The following GABRB2 variants were observed in gnomAD, a reference collection of about 807,000 sequenced individuals.
The protein encoded by GABRB2 is gamma-aminobutyric acid receptor subunit beta-2.
GABRB2 carries 16 observed loss-of-function variants against 54.7 expected under a neutral mutation model. The observed-to-expected ratio is 0.29, with a 90% CI of 0.20 to 0.44. GABRB2 has a LOEUF of 0.44. Ranked by LOEUF, GABRB2 falls within the 20% of genes least tolerant of loss-of-function variation. GABRB2 has a pLI of 1.00. For missense variants in GABRB2, 355 were observed against 644.0 expected (o/e 0.55, Z 4.86); for synonymous variants, 244 against 233.8 (o/e 1.04, Z -0.40).
rs189712216 is a variant in GABRB2, at chr5:161,308,996, A to G, written c.1192-14568T>C. 1.6e-4 allele frequency among the ~76,000 whole-genome samples: 24 copies of G among 152,358 alleles called. No individual in the cohort carries two copies. The East Asian group carries it at 3.5e-3, about 22-fold the overall frequency. On this transcript the variant is annotated intron_variant, in intron 9 of 9. Coordinates refer to ENST00000393959, the MANE Select transcript of GABRB2 (RefSeq NM_001371727.1). Reference sequence around the variant, plus strand: ...ACACCAAAAGCAGTAACAACAACAGAAAGATTGACAAATGAGGTGTGATTA... The same window carrying G: ...ACACCAAAAGCAGTAACAACAACAGGAAGATTGACAAATGAGGTGTGATTA...
intron 3 of GABRB2, among the ~76,000 whole-genome samples, chr5:161,525,837 G>T (rs1404698411): frequency 6.6e-6 from 1 of 151,180 alleles, no homozygotes; most frequent in Non-Finnish European, 1.5e-5. Context: ...ACCTGGGGGT[G>T]ATAAGTTCTT....
intron 3 of GABRB2, among the ~76,000 whole-genome samples, chr5:161,490,947 A>T (rs10069900): frequency 6.6e-6 from 1 of 151,424 alleles, no homozygotes; most frequent in Non-Finnish European, 1.5e-5. Context: ...TCTAGTATCC[A>T]ATTACTGTTC....
chr5:161,546,265 A>G, intron 2 of GABRB2, 57 bp downstream of exon 2: 3 of 1,414,472 alleles, frequency 2.1e-6, no homozygotes, highest in East Asian at 4.6e-5. Context: ...AGCGCGCACA[A>G]AGCTCAAAAG....
intron 3 of GABRB2, among the ~76,000 whole-genome samples, chr5:161,519,605 T>G (rs967518731): frequency 1.1e-4 from 17 of 152,168 alleles, no homozygotes; most frequent in Non-Finnish European, 2.4e-4. Flanking sequence ...GTAAATCTCA[T>G]CAAAAATTGA....
intron 5 of GABRB2, among the ~76,000 whole-genome samples, chr5:161,366,207 A>G (rs1288883999): frequency 2.0e-5 from 3 of 152,082 alleles, no homozygotes; most frequent in East Asian, 3.9e-4. Flanking sequence ...ACAGTCATAG[A>G]ATGGGAACCT....
At chr5:161,477,169 A>G (rs1561664307) in intron 3 of GABRB2, among the ~76,000 whole-genome samples, 2 of 151,788 alleles carry the variant, frequency 1.3e-5, no homozygotes, top group African/African-American at 2.4e-5. Flanking sequence ...ACCAACAAGC[A>G]TATGTATATA....
intron 3 of GABRB2, among the ~76,000 whole-genome samples, chr5:161,512,227 A>AT (rs1055867010): frequency 6.6e-6 from 1 of 151,816 alleles, no homozygotes; most frequent in African/African-American, 2.4e-5. Context: ...TCACAAAATT[A>AT]TTTTTTTTAA....
chr5:161,508,104 A>G (rs965442373), intron 3 of GABRB2, among the ~76,000 whole-genome samples: 2 of 151,896 alleles, frequency 1.3e-5, no homozygotes, highest in Non-Finnish European at 1.5e-5. Flanking sequence ...TATTTATTAA[A>G]TAAAAATATT....
intron 3 of GABRB2, among the ~76,000 whole-genome samples, chr5:161,512,108 C>A (rs576479192): frequency 6.6e-6 from 1 of 152,016 alleles, no homozygotes; most frequent in African/African-American, 2.4e-5. Flanking sequence ...TTAAAAGTGA[C>A]TATTCCATGC....
At chr5:161,418,335 T>TATAGGTA (rs1384356557) in intron 4 of GABRB2, among the ~76,000 whole-genome samples, 2 of 152,372 alleles carry the variant, frequency 1.3e-5, no homozygotes, top group East Asian at 3.9e-4. Context: ...CGGTCTCATC[T>TATAGGTA]ATAGGTACTT....
At chr5:161,542,241 G>A (rs1211466275) in intron 3 of GABRB2, among the ~76,000 whole-genome samples, 4 of 152,072 alleles carry the variant, frequency 2.6e-5, no homozygotes. Context: ...GAAACAATTT[G>A]AAATATTGTG....
intron 3 of GABRB2, among the ~76,000 whole-genome samples, chr5:161,486,057 C>T (rs1211874077): frequency 2.0e-5 from 3 of 151,918 alleles, no homozygotes; most frequent in Admixed American, 6.6e-5. Context: ...TGGGACAATA[C>T]GTTCCCTCTT....
chr5:161,468,690 A>G (rs1231215048), intron 3 of GABRB2, among the ~76,000 whole-genome samples: 1 of 152,022 alleles, frequency 6.6e-6, no homozygotes, highest in African/African-American at 2.4e-5. Context: ...TTCTTAGCTT[A>G]TTCACTGATG....
At chr5:161,356,407 G>A (rs1754629269) in intron 5 of GABRB2, among the ~76,000 whole-genome samples, 1 of 152,090 alleles carries the variant, frequency 6.6e-6, no homozygotes, top group South Asian at 2.1e-4. Context: ...TGCCCATCTA[G>A]AGCCAACCTT....
intron 5 of GABRB2, among the ~76,000 whole-genome samples, chr5:161,365,509 T>G (rs1234032574): frequency 6.6e-6 from 1 of 152,210 alleles, no homozygotes; most frequent in Non-Finnish European, 1.5e-5. Context: ...ATACAGATAA[T>G]GTATAGTGAT....
chr5:161,387,358 C>T (rs1755677224), intron 5 of GABRB2, among the ~76,000 whole-genome samples: 1 of 152,084 alleles, frequency 6.6e-6, no homozygotes. Flanking sequence ...CCTATGGAAC[C>T]GAGAGGCTGT....
chr5:161,499,479 G>GT, intron 3 of GABRB2, among the ~76,000 whole-genome samples: 1 of 152,116 alleles, frequency 6.6e-6, no homozygotes, highest in Non-Finnish European at 1.5e-5. Context: ...ACACCCAACG[G>GT]TTTAAGATTT....
At position 161,505,151 on chromosome 5, in the gene GABRB2, G is replaced by A. The variant is rs1379861081; in HGVS notation, c.237+40076C>T. On this transcript the variant is annotated intron_variant, in intron 3 of 9. Coordinates refer to ENST00000393959, the MANE Select transcript of GABRB2 (RefSeq NM_001371727.1). ...TTTGTTTGTTTGTTTTGTTTTTTGA[G>A]ACTGAGTCTCGCTGTCTCTCAGGCT... Among the ~76,000 whole-genome samples, 3 of 143,428 alleles carry A rather than the reference G, an allele frequency of 2.1e-5. No individual in the cohort carries two copies. The East Asian group carries it at 6.1e-4, about 29-fold the overall frequency. The allele number at this position is 143,428 out of a possible 152,430, so 94.1% of individuals were successfully genotyped here.
At chr5:161,298,472 C>T (rs139584055) in intron 9 of GABRB2, among the ~76,000 whole-genome samples, 1 of 152,200 alleles carries the variant, frequency 6.6e-6, no homozygotes, top group African/African-American at 2.4e-5. Context: ...TGGCACCTGG[C>T]ACATAGCAGA....
Sources: allele counts gnomAD v4.1 joint callset (sites outside exome capture counted in the v4.1 genomes callset), GRCh38; gene constraint gnomAD v4.1.1; transcripts MANE v1.5; gene names NCBI Gene and HGNC (gene_info 2026-07-23, HGNC 2026-07-21).